Variants in WSCD2 observed in about 807,000 individuals in gnomAD.
WSCD2 encodes WSC domain sialate O sulfotransferase 2.
Under a neutral mutation model 55.7 loss-of-function variants are expected in WSCD2, and 28 were observed. The ratio of observed to expected loss-of-function variants is 0.50; its 90% CI spans 0.37 to 0.69. The LOEUF (loss-of-function observed/expected upper bound fraction) is 0.69, where lower values mean the gene tolerates loss of function less well. Among genes scored for constraint, WSCD2 ranks in the 30% least tolerant of loss-of-function variants. The pLI, the probability that WSCD2 is intolerant of heterozygous loss-of-function variation, is 0.00. For synonymous variants in WSCD2, 301 were observed against 301.9 expected, an observed-to-expected ratio of 1.00 and a Z score of 0.03; for missense variants, 616 against 762.1, an observed-to-expected ratio of 0.81 and a Z score of 2.26.
intron 2 of WSCD2, among the ~76,000 whole-genome samples, chr12:108,205,132 C>T (rs1162157872): frequency 6.6e-6 from 1 of 152,166 alleles, no homozygotes; most frequent in Non-Finnish European, 1.5e-5. Flanking sequence ...AAGAGCATGA[C>T]AATGTCAATG....
At chr12:108,160,351 T>C (rs1436834202) in intron 1 of WSCD2, among the ~76,000 whole-genome samples, 1 of 152,206 alleles carries the variant, frequency 6.6e-6, no homozygotes, top group Admixed American at 6.5e-5. Context: ...TATAAAGAAA[T>C]ACCTGAGACT....
In WSCD2 at chr12:108,227,097, C is replaced by T. The variant is rs1302445143; in HGVS notation, c.912C>T (p.Cys304=). The T allele has an allele frequency of 6.2e-7, 1 of 1,614,214 alleles. No homozygotes were observed. The highest frequency in any genetic ancestry group is 8.5e-7 in the Non-Finnish European group (1 of 1,180,024). Residue 304 remains cysteine (C), a synonymous_variant, in exon 6 of 9, where the codon TGC becomes TGT. Coordinates refer to ENST00000547525, the MANE Select transcript of WSCD2 (RefSeq NM_014653.4). ...REDEQLCAQK[C]SAEEFESCGT... The stretch of plus-strand genomic sequence containing the variant: ...ATGAGCAGCTCTGTGCCCAGAAGTG[C>T]AGCGCGGAGGAGTTTGAGAGCTGCG...
rs1593138055 is a variant in WSCD2, at chr12:108,248,335, C to A, written c.1690C>A (p.Pro564Thr). 1 of 1,610,002 alleles carries A rather than the reference C, an allele frequency of 6.2e-7. No individual in the cohort carries two copies. Among genetic ancestry groups the A allele is most frequent in the Non-Finnish European group, 8.5e-7 (1 of 1,176,824 alleles). The change falls in exon 9 of 9, where the codon CCA becomes ACA. Residue 564 changes from proline to threonine, a missense_variant. Transcript: ENST00000547525. The surrounding 1 kb of genome is among the most constrained non-coding windows in gnomAD (Gnocchi z 4.3). ...AACGGGTGTCCCCGATGACTACTAC[C>A]CAAGATGATGCGTCCACACAGGGGG... Reference protein sequence around the residue: ...NLTGVPDDYYPR With the variant: ...NLTGVPDDYYTR
chr12:108,185,937 G>C (rs1882430144), intron 1 of WSCD2, among the ~76,000 whole-genome samples: 1 of 152,160 alleles, frequency 6.6e-6, no homozygotes, highest in Non-Finnish European at 1.5e-5. Context: ...TCCCTCTTGG[G>C]GAAGAAAGTG....
intron 4 of WSCD2, among the ~76,000 whole-genome samples, chr12:108,212,600 C>T (rs1371991150): frequency 9.9e-6 from 1 of 100,718 alleles, no homozygotes; most frequent in Non-Finnish European, 2.1e-5. Flanking sequence ...TTCTCTCTCT[C>T]TCTCTCTCTC....
At chr12:108,153,587 A>G (rs7300781) in intron 1 of WSCD2, among the ~76,000 whole-genome samples, 119,582 of 152,160 alleles carry the variant, frequency 0.79, 47,454 homozygotes, top group East Asian at 0.91. Context: ...GTGGGGAGCT[A>G]TATTCACCCC....
At chr12:108,151,458 G>C (rs1051001602) in intron 1 of WSCD2, among the ~76,000 whole-genome samples, 1 of 152,208 alleles carries the variant, frequency 6.6e-6, no homozygotes, top group Non-Finnish European at 1.5e-5. Context: ...CTCCTCCCCA[G>C]GGGTGGGGGT....
chr12:108,232,240 T>C (rs745834955), intron 6 of WSCD2, among the ~76,000 whole-genome samples: 2 of 152,198 alleles, frequency 1.3e-5, no homozygotes, highest in Non-Finnish European at 2.9e-5. Context: ...AGTTTTCTCA[T>C]CTGTAAAATG....
intron 1 of WSCD2, among the ~76,000 whole-genome samples, chr12:108,177,855 G>A (rs1881103791): frequency 6.6e-6 from 1 of 152,158 alleles, no homozygotes; most frequent in Non-Finnish European, 1.5e-5. Context: ...GCTGAGAGGG[G>A]ACAGTGGAGA....
At chr12:108,176,097 C>T (rs1248952367) in intron 1 of WSCD2, among the ~76,000 whole-genome samples, 1 of 152,202 alleles carries the variant, frequency 6.6e-6, no homozygotes, top group Non-Finnish European at 1.5e-5. Context: ...CCTCAGCCTC[C>T]CAAAGTGCTG....
chr12:108,246,777 G>A (rs1566001479), intron 8 of WSCD2, among the ~76,000 whole-genome samples: 2 of 152,150 alleles, frequency 1.3e-5, no homozygotes, highest in Admixed American at 6.5e-5. Flanking sequence ...CCTGCCCTCA[G>A]ATAGCTTACC....
chr12:108,147,620 T>G (rs772109371), intron 1 of WSCD2, among the ~76,000 whole-genome samples: 23 of 152,134 alleles, frequency 1.5e-4, no homozygotes, highest in Admixed American at 3.9e-4. Context: ...CTCATGCCTG[T>G]AATTCCAGCA....
intron 1 of WSCD2, among the ~76,000 whole-genome samples, chr12:108,194,997 A>G (rs1481712922): frequency 1.3e-5 from 2 of 152,174 alleles, no homozygotes; most frequent in African/African-American, 4.8e-5. Context: ...AAAGCAAACC[A>G]CTGGCCCATA....
chr12:108,196,012 G>A lies in WSCD2; in HGVS notation c.180G>A (p.Glu60=). The part of the protein sequence containing the change: ...ANPAAAGGPA[E]GAELSFLGDM... ...CCGCTGCTGCAGGAGGCCCAGCTGA[G>A]GGTGCTGAGCTGTCCTTCTTGGGTG... Residue 60 remains glutamate (E), a synonymous_variant, in exon 2 of 9, where the codon GAG becomes GAA. Transcript: ENST00000547525. 4 of 1,614,258 alleles carry A rather than the reference G, an allele frequency of 2.5e-6. No individual in the cohort carries two copies. Among genetic ancestry groups the A allele is most frequent in the Non-Finnish European group, 3.4e-6 (4 of 1,180,052 alleles).
chr12:108,172,806 C>A (rs1880371924), intron 1 of WSCD2, among the ~76,000 whole-genome samples: 3 of 152,060 alleles, frequency 2.0e-5, no homozygotes, highest in South Asian at 2.1e-4. Flanking sequence ...TTTAAGCCAC[C>A]CAGTTTGCAG....
At chr12:108,158,436 T>C (rs1878737502) in intron 1 of WSCD2, among the ~76,000 whole-genome samples, 1 of 125,824 alleles carries the variant, frequency 7.9e-6, no homozygotes, top group African/African-American at 3.1e-5. Context: ...CATGTTCCCA[T>C]CCTTTCTCCT....
Position 108,249,967 on chromosome 12 carries a change from TC to T in WSCD2, c.*1627del, listed in dbSNP as rs1216014539. On this transcript the variant is annotated 3_prime_UTR_variant, in exon 9 of 9. Coordinates refer to ENST00000547525, the MANE Select transcript of WSCD2 (RefSeq NM_014653.4). ...TCATGAAGCAGTGGAGGGGTTGGCC[TC>T]CCTTCTACTGGGAGGTTGACTCTCT... 6.6e-6 allele frequency: 1 copy of T among 152,648 alleles called. No homozygotes were observed. Among genetic ancestry groups the T allele is most frequent in the Non-Finnish European group, 1.5e-5 (1 of 68,058 alleles). 9.5% of individuals were successfully genotyped at this position (152,648 alleles called of 1,614,324 possible). A position where few individuals can be genotyped will look rare whatever the true frequency, so the allele number is the denominator to read the frequency against.
intron 1 of WSCD2, among the ~76,000 whole-genome samples, chr12:108,179,461 T>C (rs1447414769): frequency 6.6e-6 from 1 of 152,220 alleles, no homozygotes; most frequent in Non-Finnish European, 1.5e-5. Context: ...ACGTGGCTAA[T>C]GGCCAGTAGC....
rs377341575 is a variant in WSCD2 at position 108,227,654 on chromosome 12, T to G, written c.979+490T>G. 1.2e-4 allele frequency among the ~76,000 whole-genome samples: 19 copies of G among 152,326 alleles called. No individual in the cohort carries two copies. In the South Asian group the frequency reaches 3.1e-3, roughly 25 times the overall value. On this transcript the variant is annotated intron_variant, in intron 6 of 8. Transcript: ENST00000547525. ...CTTTCCACTTCTAGTCTTCTTCCTT[T>G]GCTAGCGGAATCCACACTTACTGTT...
Sources: allele counts gnomAD v4.1 joint callset (sites outside exome capture counted in the v4.1 genomes callset), GRCh38; gene constraint gnomAD v4.1.1; non-coding constraint Gnocchi (gnomAD v3.1); transcripts MANE v1.5; gene names NCBI Gene and HGNC (gene_info 2026-07-23, HGNC 2026-07-21).